Variants in IL15 observed in about 807,000 individuals in gnomAD.
IL15 encodes interleukin 15, also known as interleukin-15.
Under a neutral mutation model 19.6 loss-of-function variants are expected in IL15, and 11 were observed. The observed-to-expected ratio is 0.56, with a 90% CI of 0.35 to 0.93. The LOEUF (loss-of-function observed/expected upper bound fraction) is 0.93, where lower values mean the gene tolerates loss of function less well. Ranked by LOEUF, IL15 falls within the 40% of genes least tolerant of loss-of-function variation. IL15 has a pLI of 0.01. For missense variants in IL15, 197 were observed against 186.5 expected (o/e 1.06, Z -0.33); for synonymous variants, 58 against 59.6 (o/e 0.97, Z 0.12).
intron 5 of IL15, 97 bp from the exon 6 acceptor site, chr4:141,727,843 A>T: frequency 1.5e-6 from 1 of 664,796 alleles, no homozygotes; most frequent in Non-Finnish European, 2.6e-6. Flanking sequence ...AAAATAAAAA[A>T]AGAATTAAAA....
rs186564836 is a variant in IL15, at chr4:141,705,066, A to G, written c.-99-14300A>G. ...TATATGAATTCATTTTTTTGTCTGT[A>G]TTTTATTTGTTTATGTTTTGAATTG... On this transcript the variant is annotated intron_variant, in intron 2 of 7. Coordinates refer to ENST00000320650, the MANE Select transcript of IL15 (RefSeq NM_000585.5). Among the ~76,000 whole-genome samples, 618 of 151,374 alleles carry G rather than the reference A, an allele frequency of 4.1e-3. 1 individual carries two copies. Among genetic ancestry groups the G allele is most frequent in the Non-Finnish European group, 5.9e-3 (400 of 67,640 alleles).
chr4:141,723,434 A>G (rs945019345), intron 5 of IL15, among the ~76,000 whole-genome samples: 1 of 152,174 alleles, frequency 6.6e-6, no homozygotes, highest in African/African-American at 2.4e-5. Context: ...TGATGCGGCT[A>G]TAAGCCAAGG....
Position 141,733,034 on chromosome 4 carries a change from G to GC in IL15, c.*186_*187insC. ...CAGAAAAATGTCATTGAGTAATATA[G>GC]TGACTATGAACTTCTCTCAGACTTA... On this transcript the variant is annotated 3_prime_UTR_variant, in exon 8 of 8. Coordinates refer to ENST00000320650, the MANE Select transcript of IL15 (RefSeq NM_000585.5). 1.3e-6 allele frequency: 1 copy of GC among 779,270 alleles called. No homozygotes were observed. Among genetic ancestry groups the GC allele is most frequent in the Non-Finnish European group, 1.8e-6 (1 of 549,166 alleles). The allele number at this position is 779,270 out of a possible 1,614,324, so 48.3% of individuals were successfully genotyped here. A position where few individuals can be genotyped will look rare whatever the true frequency, so the allele number is the denominator to read the frequency against.
intron 2 of IL15, among the ~76,000 whole-genome samples, chr4:141,707,325 T>C (rs1729552046): frequency 6.6e-6 from 1 of 152,164 alleles, no homozygotes; most frequent in Non-Finnish European, 1.5e-5. Context: ...TTTGTCTGTG[T>C]TCTATTGTAT....
chr4:141,718,222 G>A (rs771574675), intron 2 of IL15: 1 of 152,026 alleles, frequency 6.6e-6, no homozygotes, highest in Admixed American at 6.6e-5. Context: ...GCTTCGTAAG[G>A]CCTAATTAAG....
chr4:141,663,341 C>T (rs1023690557), intron 2 of IL15, among the ~76,000 whole-genome samples: 1 of 152,190 alleles, frequency 6.6e-6, no homozygotes, highest in Non-Finnish European at 1.5e-5. Flanking sequence ...TCACAGCCTA[C>T]ACACCCTTAT....
chr4:141,721,676 A>C (rs1730086238), intron 4 of IL15: 1 of 542,254 alleles, frequency 1.8e-6, no homozygotes, highest in Non-Finnish European at 3.3e-6. Context: ...TTATTTATAA[A>C]GTATGCCTAC....
chr4:141,703,923 A>C (rs1233779395), intron 2 of IL15, among the ~76,000 whole-genome samples: 2 of 152,128 alleles, frequency 1.3e-5, no homozygotes. Flanking sequence ...TCTGTCCTGC[A>C]ACTTTACTGA....
Position 141,665,895 on chromosome 4 carries a change from A to G in IL15, c.-100+9588A>G, listed in dbSNP as rs149941179. On this transcript the variant is annotated intron_variant, in intron 2 of 7. Coordinates refer to ENST00000320650, the MANE Select transcript of IL15 (RefSeq NM_000585.5). ...AGACCTTGTTATTTCCTAGGTGACT[A>G]AAACAATAAGTATATGTCTTTTGTT... Among the ~76,000 whole-genome samples, 150 of 152,198 alleles carry G rather than the reference A, an allele frequency of 9.9e-4. 1 individual carries two copies. Among genetic ancestry groups the G allele is most frequent in the African/African-American group, 3.2e-3 (134 of 41,550 alleles).
At chr4:141,668,094 T>C (rs1477883587) in intron 2 of IL15, among the ~76,000 whole-genome samples, 1 of 152,236 alleles carries the variant, frequency 6.6e-6, no homozygotes, top group East Asian at 1.9e-4. Flanking sequence ...ATTAACACAT[T>C]TTACAGTTGT....
chr4:141,642,142 G>C (rs1333833222), intron 1 of IL15, among the ~76,000 whole-genome samples: 1 of 152,004 alleles, frequency 6.6e-6, no homozygotes, highest in Non-Finnish European at 1.5e-5. Flanking sequence ...TTTTCAAATT[G>C]CCCCTTTATT....
rs559480267 is a variant in IL15 at position 141,694,106 on chromosome 4, TTATC to T, written c.-99-25256_-99-25253del. Among the ~76,000 whole-genome samples, 7 of 152,266 alleles carry T rather than the reference TTATC, an allele frequency of 4.6e-5. No homozygotes were observed. The South Asian group carries it at 1.5e-3, about 32-fold the overall frequency. On this transcript the variant is annotated intron_variant, in intron 2 of 7. Transcript: ENST00000320650. ...GTTTTACCTTAGGTAGTGGCACAGT[TTATC>T]TATGGTTGTAAAGGGAAAACAGAGC...
rs776309451 is a variant in IL15 at position 141,729,808 on chromosome 4, CA to C, written c.241-38del. 5.2e-6 allele frequency: 6 copies of C among 1,155,032 alleles called. 1 individual carries two copies. The highest frequency in any genetic ancestry group is 6.4e-6 in the Non-Finnish European group (5 of 786,156). 71.5% of individuals were successfully genotyped at this position (1,155,032 alleles called of 1,614,324 possible). The stretch of plus-strand genomic sequence containing the variant: ...TTACATCAGTATGAAAATTAATAAT[CA>C]GAAAAAAGTAATTGTTCTTTATAAC... On this transcript the variant is annotated intron_variant, in intron 6 of 7. Coordinates refer to ENST00000320650, the MANE Select transcript of IL15 (RefSeq NM_000585.5).
intron 5 of IL15, among the ~76,000 whole-genome samples, chr4:141,723,231 C>A (rs1363235611): frequency 5.9e-5 from 9 of 152,136 alleles, no homozygotes; most frequent in Admixed American, 5.9e-4. Flanking sequence ...ATTTCACATC[C>A]TCTTGGAACC....
rs184425735 is a variant in IL15 at position 141,641,494 on chromosome 4, T to A, written c.-222+4746T>A. ...AAGAAAATGTGGCACATATACACCATAGAATACTATGCAGCCATAAAAAAG... is the reference window on the plus strand; with the variant it reads ...AAGAAAATGTGGCACATATACACCAAAGAATACTATGCAGCCATAAAAAAG... On this transcript the variant is annotated intron_variant, in intron 1 of 7. Coordinates refer to ENST00000320650, the MANE Select transcript of IL15 (RefSeq NM_000585.5). Among the ~76,000 whole-genome samples the A allele has an allele frequency of 2.7e-3, 406 of 152,176 alleles. 3 individuals carry two copies. Among genetic ancestry groups the A allele is most frequent in the Non-Finnish European group, 1.3e-3 (89 of 67,986 alleles).
chr4:141,648,598 C>T (rs1005787081), intron 1 of IL15, among the ~76,000 whole-genome samples: 4 of 151,954 alleles, frequency 2.6e-5, no homozygotes, highest in African/African-American at 7.2e-5. Context: ...GGTTTCTTCT[C>T]TTGTTATGCT....
intron 7 of IL15, among the ~76,000 whole-genome samples, chr4:141,732,196 A>C (rs2152194669): frequency 6.6e-6 from 1 of 152,344 alleles, no homozygotes; most frequent in Admixed American, 6.5e-5. Flanking sequence ...GGTTCAGAGA[A>C]GCCTCCCTAA....
chr4:141,731,612 C>T (rs571709082), intron 7 of IL15, among the ~76,000 whole-genome samples: 1 of 152,218 alleles, frequency 6.6e-6, no homozygotes, highest in African/African-American at 2.4e-5. Flanking sequence ...CAGGACTGCA[C>T]AGTCAGAAGA....
chr4:141,702,566 G>T (rs1434851803), intron 2 of IL15, among the ~76,000 whole-genome samples: 4 of 152,184 alleles, frequency 2.6e-5, no homozygotes, highest in Non-Finnish European at 5.9e-5. Flanking sequence ...GACAGACTCA[G>T]GACCCCTGGA....
Sources: gnomAD v4.1 joint callset for allele counts (sites outside exome capture counted in the v4.1 genomes callset) on GRCh38, gnomAD v4.1.1 for gene constraint, MANE v1.5 for transcripts, NCBI Gene and HGNC (gene_info 2026-07-23, HGNC 2026-07-21) for gene names.